Variants in TRPM6 observed in about 807,000 individuals in gnomAD.
TRPM6 encodes the protein channel kinase 2.
In TRPM6, 111 loss-of-function variants were observed where a neutral mutation model predicts 247.6. The ratio of observed to expected loss-of-function variants is 0.45; its 90% CI spans 0.38 to 0.52. TRPM6 has a LOEUF of 0.52. TRPM6 is among the 20% of genes least tolerant of loss of function. The pLI is 0.00. For synonymous variants in TRPM6, 892 were observed against 853.8 expected (o/e 1.04, Z -0.78); for missense variants, 2,126 against 2,421.5 (o/e 0.88, Z 2.56).
intron 1 of TRPM6, among the ~76,000 whole-genome samples, chr9:74,882,429 C>T (rs1339179148): frequency 6.6e-6 from 1 of 152,088 alleles, no homozygotes; most frequent in Non-Finnish European, 1.5e-5. Context: ...AACAAATAAG[C>T]CCACTGAAGA....
At chr9:74,837,632 G>A (rs1485395331) in intron 5 of TRPM6, among the ~76,000 whole-genome samples, 1 of 152,030 alleles carries the variant, frequency 6.6e-6, no homozygotes, top group Non-Finnish European at 1.5e-5. Context: ...ATTTTTAGTA[G>A]AGACGGGGTT....
intron 21 of TRPM6, among the ~76,000 whole-genome samples, chr9:74,783,472 C>T (rs1827534409): frequency 6.6e-6 from 1 of 152,166 alleles, no homozygotes; most frequent in African/African-American, 2.4e-5. Flanking sequence ...GTGACTTGGG[C>T]ACTTCTTGTC....
At chr9:74,864,319 C>T (rs1466335584) in intron 1 of TRPM6, among the ~76,000 whole-genome samples, 1 of 152,152 alleles carries the variant, frequency 6.6e-6, no homozygotes, top group Admixed American at 6.6e-5. Context: ...TCAGGATGTA[C>T]CATCAATCAA....
chr9:74,837,270 G>A (rs1387955195), intron 5 of TRPM6, among the ~76,000 whole-genome samples: 1 of 152,170 alleles, frequency 6.6e-6, no homozygotes, highest in Non-Finnish European at 1.5e-5. Flanking sequence ...ATCATCTGGG[G>A]ATGTTGTTAA....
intron 26 of TRPM6, 63 bp downstream of exon 26, chr9:74,761,936 C>T (rs990332978): frequency 1.6e-5 from 26 of 1,576,660 alleles, no homozygotes; most frequent in Non-Finnish European, 2.1e-5. Flanking sequence ...AAAAACAAAA[C>T]AAAACAAAAC....
chr9:74,807,635 G>T (rs1828573261), intron 14 of TRPM6, among the ~76,000 whole-genome samples: 1 of 151,820 alleles, frequency 6.6e-6, no homozygotes, highest in African/African-American at 2.4e-5. Flanking sequence ...CCAGACTATG[G>T]ACTAGGATGA....
chr9:74,728,553 C>G (rs191176796), intron 37 of TRPM6, among the ~76,000 whole-genome samples: 187 of 152,270 alleles, frequency 1.2e-3, no homozygotes, highest in Non-Finnish European at 2.0e-3. Flanking sequence ...ACTCCAAGAC[C>G]TACTGTGAAA....
intron 31 of TRPM6, 73 bp downstream of exon 31, chr9:74,747,813 ATAT>A: frequency 8.1e-7 from 1 of 1,239,110 alleles, no homozygotes; most frequent in Non-Finnish European, 1.2e-6. Context: ...AATGACAAAA[ATAT>A]CAGCAGGACA....
At chr9:74,742,093 C>T (rs1044527504) in intron 33 of TRPM6, among the ~76,000 whole-genome samples, 1 of 152,112 alleles carries the variant, frequency 6.6e-6, no homozygotes, top group African/African-American at 2.4e-5. Flanking sequence ...TTCTTTACTA[C>T]TCCAGACTTT....
intron 36 of TRPM6, among the ~76,000 whole-genome samples, chr9:74,735,089 G>A (rs966483732): frequency 2.6e-5 from 4 of 151,946 alleles, no homozygotes; most frequent in Non-Finnish European, 4.4e-5. Flanking sequence ...GTGTGGTGGC[G>A]TGTGCCTGTG....
Position 74,821,774 on chromosome 9 carries a change from G to A in TRPM6, c.905C>T (p.Ser302Leu), listed in dbSNP as rs1829135209. ...CTTGTCCTTGACAGTCTCCCACACT[G>A]ACAGGATGACGTTGGGACCGCCTTC... ...VVEGGPNVIL[S>L]VWETVKDKDP... Residue 302 changes from serine (S) to leucine (L), a missense_variant, in exon 8 of 39, where the codon TCA becomes TTA. Coordinates refer to ENST00000360774, the MANE Select transcript of TRPM6 (RefSeq NM_017662.5). 1 of 1,614,152 alleles carries A rather than the reference G, an allele frequency of 6.2e-7. No individual in the cohort carries two copies. Among genetic ancestry groups the A allele is most frequent in the Non-Finnish European group, 8.5e-7 (1 of 1,180,044 alleles).
chr9:74,882,162 C>CTTTTGTTG (rs879644520), intron 1 of TRPM6, among the ~76,000 whole-genome samples: 11 of 152,054 alleles, frequency 7.2e-5, no homozygotes, highest in Non-Finnish European at 1.3e-4. Context: ...CAGCTAAGAC[C>CTTTTGTTG]TCATAAGCAC....
intron 5 of TRPM6, among the ~76,000 whole-genome samples, chr9:74,837,592 G>A (rs1317144420): frequency 3.9e-5 from 6 of 151,954 alleles, no homozygotes; most frequent in East Asian, 1.9e-4. Flanking sequence ...GACTACAGGC[G>A]CCCGCCGCCA....
rs756959963 is a variant in TRPM6 at position 74,821,828 on chromosome 9, T to C, written c.851A>G (p.Gln284Arg). The C allele has an allele frequency of 3.7e-6, 6 of 1,614,150 alleles. No individual in the cohort carries two copies. The East Asian group carries it at 1.1e-4, about 30-fold the overall frequency. Residue 284 changes from glutamine to arginine, a missense_variant, in exon 8 of 39, where the codon CAA becomes CGA. By Grantham distance (43) the Gln-to-Arg change is conservative. Around this residue, in one of 3 missense-constraint regions of TRPM6, gnomAD observed 1,082 missense variants for 1,307.9 expected, o/e 0.83. Transcript: ENST00000360774. ...CACCAGCCCCACGACCGGCACGCCT[T>C]GTCTTGAGCCTATTCCAGACCACAA... The part of the protein sequence containing the change: ...SLQKIHCRSR[Q>R]GVPVVGLVVE...
At chr9:74,726,270 G>T (rs1825317386) in intron 38 of TRPM6, among the ~76,000 whole-genome samples, 1 of 152,152 alleles carries the variant, frequency 6.6e-6, no homozygotes, top group South Asian at 2.1e-4. Context: ...AGCACTTTGG[G>T]AGACCAAGGC....
chr9:74,755,002 G>C (rs1221435386), intron 28 of TRPM6, among the ~76,000 whole-genome samples: 1 of 152,182 alleles, frequency 6.6e-6, no homozygotes, highest in African/African-American at 2.4e-5. Context: ...GTCCATATCA[G>C]TGTCATGTGT....
At chr9:74,858,801 A>C in intron 1 of TRPM6, 53 bp from the exon 2 acceptor site, 1 of 1,432,296 alleles carries the variant, frequency 7.0e-7, no homozygotes, top group Non-Finnish European at 9.8e-7. Flanking sequence ...AAAACAATGT[A>C]ACCATAGTAG....
chr9:74,800,193 G>A (rs1413237618), intron 17 of TRPM6, 61 bp downstream of exon 17: 42 of 1,456,848 alleles, frequency 2.9e-5, no homozygotes, highest in South Asian at 3.5e-5. Flanking sequence ...AATGTAACTC[G>A]AGTACAGAAT....
At chr9:74,800,059 C>T (rs1047178031) in intron 17 of TRPM6, 195 bp downstream of exon 17, 3 of 618,302 alleles carry the variant, frequency 4.9e-6, no homozygotes, top group Non-Finnish European at 8.7e-6. Context: ...AGACGACCAT[C>T]CCCGATAGAG....
Sources: allele counts gnomAD v4.1 joint callset (sites outside exome capture counted in the v4.1 genomes callset), GRCh38; gene constraint gnomAD v4.1.1; regional missense constraint gnomAD v4.1.1; transcripts MANE v1.5; gene names NCBI Gene and HGNC (gene_info 2026-07-23, HGNC 2026-07-21).